The following RUNX1T1 variants were observed in gnomAD, a reference collection of about 807,000 sequenced individuals.
The protein encoded by RUNX1T1 is protein CBFA2T1.
RUNX1T1 carries 4 observed loss-of-function variants against 62.8 expected under a neutral mutation model. The ratio of observed to expected loss-of-function variants is 0.06; its 90% CI spans 0.03 to 0.15. The LOEUF is 0.15. RUNX1T1 is among the 10% of genes least tolerant of loss of function. The probability of loss-of-function intolerance (pLI) is 1.00; values close to 1 mark genes in which losing one functional copy is unlikely to be tolerated. For synonymous variants in RUNX1T1, 291 were observed against 286.0 expected, an observed-to-expected ratio of 1.02 and a Z score of -0.18; for missense variants, 508 against 754.3, an observed-to-expected ratio of 0.67 and a Z score of 3.82.
chr8:91,971,490 AG>A (rs1812815740), intron 9 of RUNX1T1, among the ~76,000 whole-genome samples: 1 of 152,212 alleles, frequency 6.6e-6, no homozygotes, highest in Non-Finnish European at 1.5e-5. Context: ...AATAGTGAAA[AG>A]GTAACTCAGA....
intron 10 of RUNX1T1, 23 bp from the exon 12 acceptor site, chr8:91,960,540 G>A: frequency 6.2e-7 from 1 of 1,611,972 alleles, no homozygotes; most frequent in Non-Finnish European, 8.5e-7. Context: ...GCAGAAGAAA[G>A]CAAGATCCCA....
At chr8:91,967,248 T>C (rs1279043299) in intron 10 of RUNX1T1, among the ~76,000 whole-genome samples, 1 of 152,198 alleles carries the variant, frequency 6.6e-6, no homozygotes, top group East Asian at 1.9e-4. Flanking sequence ...CAACCTCCGA[T>C]AACTTGGCTG....
intron 5 of RUNX1T1, chr8:92,003,380 G>A: frequency 2.2e-6 from 1 of 456,160 alleles, no homozygotes; most frequent in Middle Eastern, 3.3e-4. Context: ...TGGGAAAATA[G>A]CTGGAAATAC....
chr8:92,042,986 C>G (rs1391639617), intron 1 of RUNX1T1, among the ~76,000 whole-genome samples: 1 of 152,142 alleles, frequency 6.6e-6, no homozygotes, highest in South Asian at 2.1e-4. Context: ...TTTCTCACAC[C>G]TTTCTCCTGT....
At chr8:92,101,290 T>C (rs1398954408), upstream of RUNX1T1, among the ~76,000 whole-genome samples, 2 of 152,188 alleles carry the variant, frequency 1.3e-5, no homozygotes, top group Non-Finnish European at 2.9e-5. Context: ...GCCATTTATA[T>C]ACAGGCTCTG....
At chr8:91,992,007 CTAAA>C (rs1447064199) in intron 5 of RUNX1T1, 118 bp from the exon 7 acceptor site, 7 of 1,050,708 alleles carry the variant, frequency 6.7e-6, no homozygotes, top group Non-Finnish European at 9.6e-6. Flanking sequence ...CAGAAACCTT[CTAAA>C]CTCAGCTTCC....
At chr8:92,036,214 T>C (rs1827384426) in intron 1 of RUNX1T1, among the ~76,000 whole-genome samples, 1 of 152,144 alleles carries the variant, frequency 6.6e-6, no homozygotes, top group Non-Finnish European at 1.5e-5. Flanking sequence ...ATTCCACATA[T>C]AAATGAAAAA....
intron 2 of RUNX1T1, among the ~76,000 whole-genome samples, chr8:92,074,631 C>A (rs997936763): frequency 2.0e-5 from 3 of 152,132 alleles, no homozygotes; most frequent in Non-Finnish European, 2.9e-5. Context: ...GATATTGATA[C>A]CTTTTCTTTT....
At position 92,076,170 on chromosome 8, in the gene RUNX1T1, T is replaced by A; in HGVS notation, c.-85-33A>T. On this transcript the variant is annotated intron_variant, in intron 1 of 11. Transcript: ENST00000265814. Reference sequence around the variant, plus strand: ...CAACAACAAAGGGAAAAAAAATGCATATATCACAACCAGTCTGAAGTATCA... The same window carrying A: ...CAACAACAAAGGGAAAAAAAATGCAAATATCACAACCAGTCTGAAGTATCA... 3 of 1,473,290 alleles carry A rather than the reference T, an allele frequency of 2.0e-6. No homozygotes were observed. In the South Asian group the frequency reaches 4.3e-5, roughly 21 times the overall value. The allele number at this position is 1,473,290 out of a possible 1,614,324, so 91.3% of individuals were successfully genotyped here.
intron 9 of RUNX1T1, 161 bp from the exon 11 acceptor site, chr8:91,971,009 G>A (rs1812718516): frequency 2.0e-6 from 1 of 500,646 alleles, no homozygotes; most frequent in East Asian, 3.3e-5. Flanking sequence ...CTAGCAGCTG[G>A]AATTACAGGA....
intron 1 of RUNX1T1, among the ~76,000 whole-genome samples, chr8:92,020,735 C>T (rs1823918188): frequency 6.6e-6 from 1 of 151,086 alleles, no homozygotes; most frequent in African/African-American, 2.4e-5. Flanking sequence ...GCATGGAAAA[C>T]AAATGTGGCA....
intron 1 of RUNX1T1, among the ~76,000 whole-genome samples, chr8:92,027,103 G>A (rs1435685345): frequency 2.9e-4 from 34 of 115,828 alleles, no homozygotes; most frequent in East Asian, 2.5e-4. Context: ...GCGACAGAGC[G>A]AAACTCCGTC....
At chr8:92,067,683 A>G (rs1368143896), upstream of RUNX1T1, among the ~76,000 whole-genome samples, 1 of 152,206 alleles carries the variant, frequency 6.6e-6, no homozygotes, top group Non-Finnish European at 1.5e-5. Flanking sequence ...ATACATGAAT[A>G]AAAAGATGTG....
chr8:91,985,648 T>A (rs952011889), intron 8 of RUNX1T1, among the ~76,000 whole-genome samples: 2 of 152,166 alleles, frequency 1.3e-5, no homozygotes, highest in African/African-American at 4.8e-5. Context: ...TATAAATATA[T>A]ATATATATGA....
intron 5 of RUNX1T1, among the ~76,000 whole-genome samples, chr8:92,004,178 G>A (rs865798381): frequency 1.3e-5 from 2 of 152,104 alleles, no homozygotes; most frequent in Non-Finnish European, 2.9e-5. Flanking sequence ...ACTGTGTCAG[G>A]GTGTTAACCT....
At chr8:91,970,510 G>T in intron 10 of RUNX1T1, 148 bp downstream of exon 11, 1 of 667,002 alleles carries the variant, frequency 1.5e-6, no homozygotes, top group Non-Finnish European at 2.3e-6. Flanking sequence ...ATCAGCTCTT[G>T]GCAAATTTCA....
chr8:91,965,315 C>T (rs1019812666), intron 10 of RUNX1T1, among the ~76,000 whole-genome samples: 4 of 152,156 alleles, frequency 2.6e-5, no homozygotes, highest in Non-Finnish European at 4.4e-5. Flanking sequence ...ATTACTTCCC[C>T]GTTCTTCCTT....
chr8:92,095,602 G>A, intron 1 of RUNX1T1: 1 of 1,408,236 alleles, frequency 7.1e-7, no homozygotes, highest in South Asian at 1.6e-5. Context: ...GAGCGGGAGA[G>A]GGAGGAAAAG....
chr8:92,064,512 A>G (rs1318476902), upstream of RUNX1T1, among the ~76,000 whole-genome samples: 1 of 152,210 alleles, frequency 6.6e-6, no homozygotes, highest in Non-Finnish European at 1.5e-5. Context: ...GTGATAATCA[A>G]TTAAGTCCTG....
Sources: gnomAD v4.1 joint callset for allele counts (sites outside exome capture counted in the v4.1 genomes callset) on GRCh38, gnomAD v4.1.1 for gene constraint, MANE v1.5 for transcripts, NCBI Gene and HGNC (gene_info 2026-07-23, HGNC 2026-07-21) for gene names.